The following ROBO2 variants were observed in gnomAD, a reference collection of about 807,000 sequenced individuals.
ROBO2 encodes the protein roundabout homolog 2.
Under a neutral mutation model 160.8 loss-of-function variants are expected in ROBO2, and 53 were observed. The ratio of observed to expected loss-of-function variants is 0.33; its 90% confidence interval spans 0.26 to 0.41. The LOEUF (loss-of-function observed/expected upper bound fraction) is 0.41. Ranked by LOEUF, ROBO2 falls within the 10% of genes least tolerant of loss-of-function variation. The pLI is 1.00. For synonymous variants in ROBO2, 664 were observed against 611.7 expected (o/e 1.09, Z -1.26); for missense variants, 1,577 against 1,722.4 (o/e 0.92, Z 1.49).
intron 2 of ROBO2, among the ~76,000 whole-genome samples, chr3:76,766,486 G>A (rs2061582131): frequency 6.6e-6 from 1 of 151,648 alleles, no homozygotes; most frequent in African/African-American, 2.4e-5. Context: ...TGACTTGCTT[G>A]AGAAATGAAA....
chr3:76,223,011 TC>T (rs937377334), intron 2 of ROBO2, among the ~76,000 whole-genome samples: 7 of 151,886 alleles, frequency 4.6e-5, no homozygotes, highest in Non-Finnish European at 1.5e-5. Flanking sequence ...CGCCTCAGCC[TC>T]CCAAAGTGCT....
chr3:76,407,457 AT>A lies in ROBO2; in HGVS notation c.109+469856del, dbSNP rs368824469. ...CAGACAGTTGTCTGATAGACACATA[AT>A]AAAAGTCAACATAGTATGTTTGAAG... On this transcript the variant is annotated intron_variant, in intron 2 of 26. Coordinates refer to the ROBO2 transcript ENST00000487694. Among the ~76,000 whole-genome samples, 5 of 149,328 alleles carry A rather than the reference AT, an allele frequency of 3.3e-5. No homozygotes were observed. In the East Asian group the frequency reaches 9.7e-4, roughly 29 times the overall value.
intron 5 of ROBO2, among the ~76,000 whole-genome samples, chr3:77,511,841 C>T (rs1044929779): frequency 1.4e-4 from 22 of 151,954 alleles, no homozygotes; most frequent in African/African-American, 5.1e-4. Context: ...TACTATTTCC[C>T]TGCAAGTGTA....
chr3:76,582,570 AAAAC>A (rs1004945825), intron 2 of ROBO2, among the ~76,000 whole-genome samples: 3 of 152,230 alleles, frequency 2.0e-5, no homozygotes, highest in Non-Finnish European at 4.4e-5. Context: ...AAAAATTAAA[AAAAC>A]AAACAAACAT....
intron 2 of ROBO2, among the ~76,000 whole-genome samples, chr3:75,964,635 A>G (rs11128497): frequency 0.14 from 21,162 of 151,652 alleles, 1,580 homozygotes; most frequent in Non-Finnish European, 0.15. Context: ...ACATGAAAAT[A>G]TCTTTGAACA....
chr3:76,050,921 G>T (rs1345589205), intron 2 of ROBO2, among the ~76,000 whole-genome samples: 1 of 152,152 alleles, frequency 6.6e-6, no homozygotes, highest in Non-Finnish European at 1.5e-5. Flanking sequence ...AACTATTCCT[G>T]CAGAAGAGCT....
At chr3:76,739,388 C>A (rs1221330828) in intron 2 of ROBO2, among the ~76,000 whole-genome samples, 2 of 151,206 alleles carry the variant, frequency 1.3e-5, no homozygotes, top group East Asian at 2.0e-4. Flanking sequence ...GGACAAAAAA[C>A]CAAACACTGC....
intron 2 of ROBO2, among the ~76,000 whole-genome samples, chr3:77,302,374 C>A (rs928705961): frequency 3.4e-5 from 5 of 148,688 alleles, no homozygotes; most frequent in African/African-American, 1.2e-4. Flanking sequence ...GCCCTTAATG[C>A]AAGTTTAGTA....
chr3:77,342,954 G>A (rs2067222817), intron 2 of ROBO2, among the ~76,000 whole-genome samples: 2 of 152,164 alleles, frequency 1.3e-5, no homozygotes, highest in African/African-American at 4.8e-5. Flanking sequence ...GCAAGCCTGA[G>A]ATTGAGGTAC....
At chr3:76,068,934 C>T (rs1166471238) in intron 2 of ROBO2, among the ~76,000 whole-genome samples, 4 of 152,152 alleles carry the variant, frequency 2.6e-5, no homozygotes, top group Admixed American at 2.0e-4. Context: ...ATTCTGTTTA[C>T]CTTATTAGCT....
chr3:77,088,838 A>G (rs1365532743), intron 1 of ROBO2, among the ~76,000 whole-genome samples: 1 of 152,214 alleles, frequency 6.6e-6, no homozygotes, highest in Non-Finnish European at 1.5e-5. Context: ...ACATTTATCA[A>G]AAGTATGAAC....
intron 2 of ROBO2, among the ~76,000 whole-genome samples, chr3:76,257,762 T>C (rs895233360): frequency 2.6e-5 from 4 of 152,134 alleles, no homozygotes; most frequent in Non-Finnish European, 5.9e-5. Context: ...CTGATCGCTA[T>C]TGTATAGTGT....
chr3:77,169,876 C>T (rs2079460934), intron 2 of ROBO2, among the ~76,000 whole-genome samples: 1 of 152,156 alleles, frequency 6.6e-6, no homozygotes, highest in Non-Finnish European at 1.5e-5. Context: ...GAGCATGAGC[C>T]TCCCCACTGT....
chr3:76,546,473 A>C (rs897978835), intron 2 of ROBO2, among the ~76,000 whole-genome samples: 7 of 151,914 alleles, frequency 4.6e-5, no homozygotes, highest in Non-Finnish European at 8.8e-5. Flanking sequence ...TAAGGTTGCT[A>C]ATCAACTGAC....
At position 77,200,317 on chromosome 3, in the gene ROBO2, A is replaced by ATTT. The variant is rs1215369321; in HGVS notation, c.388+101978_388+101979insTTT. 4.3e-5 allele frequency among the ~76,000 whole-genome samples: 3 copies of ATTT among 69,350 alleles called. No individual in the cohort carries two copies. In the East Asian group the frequency reaches 1.8e-3, roughly 42 times the overall value. The allele number at this position is 69,350 out of a possible 152,430, so 45.5% of individuals were successfully genotyped here. A position where few individuals can be genotyped will look rare whatever the true frequency, so the allele number is the denominator to read the frequency against. ...TATATATATATATATATATATATAT[A>ATTT]TATATTTTAGTTTCTATAGGTAAAG... On this transcript the variant is annotated intron_variant, in intron 2 of 25. Coordinates refer to ENST00000461745, the Ensembl canonical transcript of ROBO2.
At chr3:76,471,299 C>T (rs1050338604) in intron 2 of ROBO2, among the ~76,000 whole-genome samples, 3 of 152,170 alleles carry the variant, frequency 2.0e-5, no homozygotes, top group African/African-American at 7.2e-5. Context: ...AGACTAGACA[C>T]ATTTTTAGAG....
chr3:77,445,793 TG>T lies in ROBO2; in HGVS notation c.389-31620del, dbSNP rs1445615965. 4.6e-3 allele frequency among the ~76,000 whole-genome samples: 502 copies of T among 109,174 alleles called. 1 individual carries two copies. Among genetic ancestry groups the T allele is most frequent in the Middle Eastern group, 0.011 (2 of 188 alleles). The allele number at this position is 109,174 out of a possible 152,430, so 71.6% of individuals were successfully genotyped here. ...TTTAAACAATTAAAAGGTTTTTTTTTGTTTTTTTTTTTTTTTTTGCTAATTT... is the reference window on the plus strand; with the variant it reads ...TTTAAACAATTAAAAGGTTTTTTTTTTTTTTTTTTTTTTTTTTGCTAATTT... On this transcript the variant is annotated intron_variant, in intron 2 of 25. Coordinates refer to ENST00000461745, the Ensembl canonical transcript of ROBO2.
At chr3:76,666,470 A>G (rs895178301) in intron 2 of ROBO2, among the ~76,000 whole-genome samples, 1 of 152,116 alleles carries the variant, frequency 6.6e-6, no homozygotes, top group Non-Finnish European at 1.5e-5. Flanking sequence ...ATCGAACAGT[A>G]AAACATTAGT....
chr3:77,014,081 T>C (rs1228617577), intron 2 of ROBO2, among the ~76,000 whole-genome samples: 1 of 152,130 alleles, frequency 6.6e-6, no homozygotes. Flanking sequence ...TTTAATTTCC[T>C]TTTAGTGAGG....
Sources: allele counts gnomAD v4.1 joint callset (sites outside exome capture counted in the v4.1 genomes callset), GRCh38; gene constraint gnomAD v4.1.1; transcripts MANE v1.5; gene names NCBI Gene and HGNC (gene_info 2026-07-23, HGNC 2026-07-21).